Variants in LCORL observed in about 807,000 individuals in gnomAD.
LCORL encodes ligand-dependent nuclear receptor corepressor-like protein.
Under a neutral mutation model 141.8 loss-of-function variants are expected in LCORL, and 41 were observed. That is an observed-to-expected ratio of 0.29 (90% confidence interval 0.23 to 0.38). The LOEUF (loss-of-function observed/expected upper bound fraction) is 0.38. LCORL is among the 10% of genes least tolerant of loss of function. The probability of loss-of-function intolerance (pLI) is 1.00; values close to 1 mark genes in which losing one functional copy is unlikely to be tolerated. For synonymous variants in LCORL, 618 were observed against 694.1 expected (o/e 0.89, Z 1.72); for missense variants, 1,759 against 2,035.0 (o/e 0.86, Z 2.61).
At chr4:17,889,328 A>C (rs919129577) in intron 5 of LCORL, among the ~76,000 whole-genome samples, 12 of 152,084 alleles carry the variant, frequency 7.9e-5, no homozygotes, top group African/African-American at 2.7e-4. Flanking sequence ...CTTTCTCCAC[A>C]TCTAGGCTAT....
At chr4:17,946,270 C>T (rs921185730) in intron 4 of LCORL, among the ~76,000 whole-genome samples, 3 of 151,882 alleles carry the variant, frequency 2.0e-5, no homozygotes, top group African/African-American at 7.2e-5. Flanking sequence ...ATTTCCTTGG[C>T]CTTTTAGCAA....
At chr4:17,969,398 G>A (rs1162924055) in intron 2 of LCORL, among the ~76,000 whole-genome samples, 3 of 152,126 alleles carry the variant, frequency 2.0e-5, no homozygotes, top group East Asian at 1.9e-4. Flanking sequence ...AGGTGGTTGC[G>A]AATTAAATTC....
At chr4:17,888,694 T>C (rs979734535) in intron 5 of LCORL, among the ~76,000 whole-genome samples, 4 of 152,170 alleles carry the variant, frequency 2.6e-5, no homozygotes, top group Admixed American at 2.6e-4. Context: ...TTCAGGATCT[T>C]GACTTATTCA....
rs915616301 is a variant in LCORL at position 17,932,098 on chromosome 4, T to C, written c.431-22753A>G. Among the ~76,000 whole-genome samples the C allele has an allele frequency of 3.9e-5, 6 of 152,324 alleles. No individual in the cohort carries two copies. The East Asian group carries it at 1.2e-3, about 29-fold the overall frequency. ...TTAGAATTAATCTTGGCTTTCTTTA[T>C]TGTTTTCAATTTGCCGTCCATACTT... On this transcript the variant is annotated intron_variant, in intron 4 of 7. Coordinates refer to ENST00000635767, the Ensembl canonical transcript of LCORL.
intron 4 of LCORL, among the ~76,000 whole-genome samples, chr4:17,953,467 A>C (rs918531108): frequency 9.9e-5 from 15 of 152,208 alleles, no homozygotes; most frequent in Admixed American, 9.8e-4. Context: ...AAATCACTGA[A>C]AGAATAATGA....
chr4:17,887,586 AT>A (rs2109231665), intron 5 of LCORL, among the ~76,000 whole-genome samples: 1 of 152,278 alleles, frequency 6.6e-6, no homozygotes, highest in South Asian at 2.1e-4. Flanking sequence ...GGTATCTGAA[AT>A]GAAGGAAGCC....
intron 4 of LCORL, among the ~76,000 whole-genome samples, chr4:17,937,417 G>C (rs530268564): frequency 6.6e-6 from 1 of 152,194 alleles, no homozygotes; most frequent in South Asian, 2.1e-4. Context: ...TCAATATAAA[G>C]AGTAATATTA....
rs1722818192 is a variant in LCORL, at chr4:18,006,399, A to G, written c.154+15199T>C. Among the ~76,000 whole-genome samples the G allele has an allele frequency of 3.3e-5, 5 of 151,582 alleles. No individual in the cohort carries two copies. The South Asian group carries it at 1.0e-3, about 32-fold the overall frequency. Reference sequence around the variant, plus strand: ...TCTTCTAAGCCTTCCAAACTATTCAACCTCTGCCTCTTACCCAGTTCCAAA... The same window carrying G: ...TCTTCTAAGCCTTCCAAACTATTCAGCCTCTGCCTCTTACCCAGTTCCAAA... On this transcript the variant is annotated intron_variant, in intron 1 of 7. Transcript: ENST00000635767.
At chr4:17,938,629 C>T (rs1737302261) in intron 4 of LCORL, among the ~76,000 whole-genome samples, 1 of 149,800 alleles carries the variant, frequency 6.7e-6, no homozygotes, top group African/African-American at 2.5e-5. Flanking sequence ...TTGAGGCTGG[C>T]CTTGAACTCC....
exon 7 of LCORL, chr4:17,876,123 T>C (rs1210025873): frequency 8.1e-7 from 1 of 1,230,922 alleles, no homozygotes; most frequent in Non-Finnish European, 1.0e-6. Context: ...AGGACTAGAA[T>C]AGTTGGAAAC....
At chr4:17,926,460 C>G (rs1407088908) in intron 4 of LCORL, among the ~76,000 whole-genome samples, 1 of 152,052 alleles carries the variant, frequency 6.6e-6, no homozygotes, top group Non-Finnish European at 1.5e-5. Context: ...CCAAGTTCTT[C>G]AGCTTTTCGA....
intron 1 of LCORL, among the ~76,000 whole-genome samples, chr4:18,009,504 G>A (rs992943796): frequency 2.0e-5 from 3 of 152,008 alleles, no homozygotes; most frequent in Non-Finnish European, 2.9e-5. Context: ...CCACTGAGAG[G>A]CCTTCCTCCC....
chr4:17,938,069 G>C, intron 4 of LCORL, among the ~76,000 whole-genome samples: 1 of 149,166 alleles, frequency 6.7e-6, no homozygotes, highest in Non-Finnish European at 1.5e-5. Flanking sequence ...GCAGTGGCGC[G>C]ATCTCAGCTC....
intron 1 of LCORL, among the ~76,000 whole-genome samples, chr4:17,996,637 T>C (rs1252545626): frequency 1.3e-5 from 2 of 152,046 alleles, no homozygotes; most frequent in African/African-American, 2.4e-5. Flanking sequence ...TAGTTGAACA[T>C]ACACTATATT....
chr4:17,877,319 A>G, exon 7 of LCORL: 1 of 1,229,662 alleles, frequency 8.1e-7, no homozygotes, highest in Non-Finnish European at 1.0e-6. Flanking sequence ...ATGTATTATA[A>G]TCACTGCTAG....
chr4:17,956,800 T>C (rs562021497), intron 4 of LCORL, among the ~76,000 whole-genome samples: 18 of 152,030 alleles, frequency 1.2e-4, no homozygotes, highest in Non-Finnish European at 1.2e-4. Flanking sequence ...TGAAATGTTC[T>C]CAACACAAAA....
chr4:17,941,882 G>A (rs1738037707), intron 4 of LCORL, among the ~76,000 whole-genome samples: 1 of 150,214 alleles, frequency 6.7e-6, no homozygotes, highest in Admixed American at 6.6e-5. Context: ...CCTCAGCAGT[G>A]ATGACACTTG....
At chr4:17,930,253 A>C (rs1359680570) in intron 4 of LCORL, among the ~76,000 whole-genome samples, 1 of 152,216 alleles carries the variant, frequency 6.6e-6, no homozygotes, top group Non-Finnish European at 1.5e-5. Flanking sequence ...CTGTAGCCCC[A>C]GCTACTCAGG....
chr4:17,940,136 GTA>G (rs953438971), intron 4 of LCORL, among the ~76,000 whole-genome samples: 17 of 141,708 alleles, frequency 1.2e-4, no homozygotes, highest in African/African-American at 4.1e-4. Flanking sequence ...ATGTATATGT[GTA>G]TATATATGTA....
Sources: gnomAD v4.1 joint callset for allele counts (sites outside exome capture counted in the v4.1 genomes callset) on GRCh38, gnomAD v4.1.1 for gene constraint, MANE v1.5 for transcripts, NCBI Gene and HGNC (gene_info 2026-07-23, HGNC 2026-07-21) for gene names.